Variants in TMEM163 observed in about 807,000 individuals in gnomAD.
TMEM163 encodes the protein transmembrane protein 163.
Under a neutral mutation model 29.3 loss-of-function variants are expected in TMEM163, and 17 were observed. That is an observed-to-expected ratio of 0.58 (90% CI 0.40 to 0.87). The LOEUF (loss-of-function observed/expected upper bound fraction) is 0.87. TMEM163 is among the 40% of genes least tolerant of loss of function. The pLI is 0.00. For missense variants in TMEM163, 303 were observed against 381.5 expected (o/e 0.79, Z 1.71); for synonymous variants, 157 against 160.6 (o/e 0.98, Z 0.17).
intron 4 of TMEM163, among the ~76,000 whole-genome samples, chr2:134,519,676 C>T (rs561712568): frequency 2.0e-5 from 3 of 151,912 alleles, no homozygotes; most frequent in African/African-American, 7.2e-5. Context: ...CGTGCCACTG[C>T]CCTCCAGCCT....
intron 5 of TMEM163, among the ~76,000 whole-genome samples, chr2:134,490,614 AG>A (rs1232296340): frequency 6.6e-6 from 1 of 152,194 alleles, no homozygotes; most frequent in African/African-American, 2.4e-5. Context: ...ATTTTTACTC[AG>A]TTTTTCCCAA....
At chr2:134,466,469 G>A (rs770558988) in intron 5 of TMEM163, 13 of 445,792 alleles carry the variant, frequency 2.9e-5, no homozygotes, top group African/African-American at 4.0e-5. Context: ...TTATTTTCCT[G>A]TAGGAGATTG....
chr2:134,692,729 C>T (rs1159677709), intron 2 of TMEM163, among the ~76,000 whole-genome samples: 2 of 152,070 alleles, frequency 1.3e-5, no homozygotes, highest in East Asian at 1.9e-4. Flanking sequence ...GAGAGTCCTG[C>T]CCTCATCACC....
rs1684939779 is a variant in TMEM163, at chr2:134,712,116, T to C, written c.322+1084A>G. Among the ~76,000 whole-genome samples, 4 of 152,364 alleles carry C rather than the reference T, an allele frequency of 2.6e-5. No individual in the cohort carries two copies. In the South Asian group the frequency reaches 8.3e-4, roughly 32 times the overall value. Reference sequence around the variant, plus strand: ...AAAAACGTTTATACTCTGGAATGCATTGCCCTCCACTTCTAAATGTTTGGC... The same window carrying C: ...AAAAACGTTTATACTCTGGAATGCACTGCCCTCCACTTCTAAATGTTTGGC... On this transcript the variant is annotated intron_variant, in intron 2 of 7. Transcript: ENST00000281924.
intron 2 of TMEM163, 60 bp from the exon 3 acceptor site, chr2:134,552,151 T>C: frequency 7.3e-7 from 1 of 1,362,060 alleles, no homozygotes; most frequent in Non-Finnish European, 1.0e-6. Context: ...TTTGAGTATA[T>C]TAATACATTA....
At chr2:134,593,192 G>A (rs1037908616) in intron 2 of TMEM163, among the ~76,000 whole-genome samples, 3 of 152,306 alleles carry the variant, frequency 2.0e-5, no homozygotes, top group Middle Eastern at 3.4e-3. Context: ...GGCCTGGAAA[G>A]GAGAGGGCAG....
intron 5 of TMEM163, chr2:134,468,836 C>T (rs936496981): frequency 6.6e-6 from 1 of 152,238 alleles, no homozygotes; most frequent in East Asian, 1.9e-4. Context: ...GAGCTGCAGA[C>T]CCAGGGCTCG....
intron 5 of TMEM163, among the ~76,000 whole-genome samples, chr2:134,484,253 G>A (rs998918766): frequency 7.2e-5 from 11 of 152,116 alleles, no homozygotes; most frequent in South Asian, 2.1e-4. Context: ...TCACCAAGGC[G>A]AATAACGAAA....
chr2:134,641,565 A>G (rs1048302980), intron 2 of TMEM163, among the ~76,000 whole-genome samples: 10 of 152,214 alleles, frequency 6.6e-5, no homozygotes, highest in Admixed American at 2.0e-4. Flanking sequence ...TGCAATACAT[A>G]TATCTGGCAG....
intron 2 of TMEM163, among the ~76,000 whole-genome samples, chr2:134,682,117 G>T (rs140075601): frequency 2.0e-4 from 30 of 152,342 alleles, no homozygotes; most frequent in Non-Finnish European, 3.5e-4. Context: ...AATGACTGGT[G>T]TGAGTTTTCT....
At chr2:134,674,607 G>A (rs867064422) in intron 2 of TMEM163, among the ~76,000 whole-genome samples, 1 of 151,324 alleles carries the variant, frequency 6.6e-6, no homozygotes, top group Non-Finnish European at 1.5e-5. Flanking sequence ...ATCCGCCCCC[G>A]TCGGCCTCCC....
intron 2 of TMEM163, among the ~76,000 whole-genome samples, chr2:134,613,437 G>T (rs185662353): frequency 6.6e-6 from 1 of 152,068 alleles, no homozygotes; most frequent in Non-Finnish European, 1.5e-5. Context: ...CAATAGAAAG[G>T]GTTCTGTAAC....
chr2:134,552,147 T>C (rs534673436), intron 2 of TMEM163, 56 bp from the exon 3 acceptor site: 3 of 1,419,946 alleles, frequency 2.1e-6, no homozygotes, highest in Middle Eastern at 2.2e-4. Flanking sequence ...CATTTTTGAG[T>C]ATATTAATAC....
rs1024494187 is a variant in TMEM163, at chr2:134,458,448, G to A, written c.668-275C>T. The A allele has an allele frequency of 4.5e-5, 19 of 419,546 alleles. 1 individual carries two copies. Among genetic ancestry groups the A allele is most frequent in the African/African-American group, 2.6e-4 (13 of 50,150 alleles). 26.0% of individuals were successfully genotyped at this position (419,546 alleles called of 1,614,324 possible). On this transcript the variant is annotated intron_variant, in intron 6 of 7. Transcript: ENST00000281924. ...CCATATGTGGTTTATAGCTGGTCTCGCCCGTGCCCGCTAGAACGCAAACCT... is the reference window on the plus strand; with the variant it reads ...CCATATGTGGTTTATAGCTGGTCTCACCCGTGCCCGCTAGAACGCAAACCT...
intron 2 of TMEM163, among the ~76,000 whole-genome samples, chr2:134,577,396 T>G (rs1402290036): frequency 2.0e-5 from 3 of 152,110 alleles, no homozygotes; most frequent in African/African-American, 7.2e-5. Context: ...GATTGTAACT[T>G]ACTCTCAGGG....
Position 134,477,976 on chromosome 2 carries a change from A to G in TMEM163, c.556-11751T>C, listed in dbSNP as rs575159020. Among the ~76,000 whole-genome samples, 16 of 152,336 alleles carry G rather than the reference A, an allele frequency of 1.1e-4. No individual in the cohort carries two copies. The South Asian group carries it at 3.3e-3, about 32-fold the overall frequency. On this transcript the variant is annotated intron_variant, in intron 5 of 7. Coordinates refer to ENST00000281924, the MANE Select transcript of TMEM163 (RefSeq NM_030923.5). Reference sequence around the variant, plus strand: ...ACTTGATCATGGGGGCAGATCCCTCATGAATGGTTTGGCACCATCCTCTTG... The same window carrying G: ...ACTTGATCATGGGGGCAGATCCCTCGTGAATGGTTTGGCACCATCCTCTTG...
chr2:134,516,780 C>CATATATAGATGCATATATATGAATAT (rs1553476347), intron 4 of TMEM163, among the ~76,000 whole-genome samples: 1 of 139,460 alleles, frequency 7.2e-6, no homozygotes, highest in South Asian at 2.3e-4. Context: ...CATATCTATT[C>CATATATAGATGCATATATATGAATAT]ATATATATAT....
intron 2 of TMEM163, among the ~76,000 whole-genome samples, chr2:134,695,878 C>G (rs1684568980): frequency 6.6e-6 from 1 of 151,970 alleles, no homozygotes; most frequent in Non-Finnish European, 1.5e-5. Flanking sequence ...TGGCGAAACC[C>G]CGTCTCTACT....
rs1022486076 is a variant in TMEM163, at chr2:134,460,603, G to A, written c.668-2430C>T. 1.1e-4 allele frequency among the ~76,000 whole-genome samples: 17 copies of A among 152,234 alleles called. No homozygotes were observed. Among genetic ancestry groups the A allele is most frequent in the African/African-American group, 3.6e-4 (15 of 41,544 alleles). ...AGGCAGGCATGGGCCCAGCCTGAGC[G>A]CCACCCCTGCCTGGCTCCCGCAGAC... On this transcript the variant is annotated intron_variant, in intron 6 of 7. Transcript: ENST00000281924. This position sits in a 1 kb window ranked among gnomAD's most constrained non-coding sequence, Gnocchi z 4.3.
Sources: allele counts gnomAD v4.1 joint callset (sites outside exome capture counted in the v4.1 genomes callset), GRCh38; gene constraint gnomAD v4.1.1; non-coding constraint Gnocchi (gnomAD v3.1); transcripts MANE v1.5; gene names NCBI Gene and HGNC (gene_info 2026-07-23, HGNC 2026-07-21).